PLCD4: variants seen among roughly 807,000 people sequenced by gnomAD.
PLCD4 encodes 1-phosphatidylinositol 4,5-bisphosphate phosphodiesterase delta-4.
A neutral mutation model predicts 90.2 loss-of-function variants in PLCD4; 63 were observed. That is an observed-to-expected ratio of 0.70 (90% CI 0.57 to 0.86). The LOEUF is 0.86. PLCD4 is among the 40% of genes least tolerant of loss of function. The probability of loss-of-function intolerance (pLI) is 0.00; values close to 1 mark genes in which losing one functional copy is unlikely to be tolerated. For missense variants in PLCD4, 830 were observed against 956.3 expected (o/e 0.87, Z 1.74); for synonymous variants, 294 against 356.5 (o/e 0.82, Z 1.97).
chr2:218,618,930 G>A (rs1209379313), intron 4 of PLCD4, 123 bp downstream of exon 4: 1 of 859,234 alleles, frequency 1.2e-6, no homozygotes, highest in East Asian at 2.7e-5. Context: ...GGGTCCAGAT[G>A]GTATGGGCAG....
In PLCD4 at chr2:218,630,650, A is replaced by T. The variant is rs1405481374; in HGVS notation, c.1120A>T (p.Thr374Ser). 1.2e-6 allele frequency: 2 copies of T among 1,613,988 alleles called. No homozygotes were observed. Among genetic ancestry groups the T allele is most frequent in the Admixed American group, 3.3e-5 (2 of 60,020 alleles). ...CATTGTTCCCTCCCCTCACCACCAG[A>T]CATCAGACTACCCAGTCATCTTGTC... ...VATVAQYAFQ[T>S]SDYPVILSLE... Residue 374 changes from threonine to serine, a missense_variant and splice_region_variant, in exon 9 of 16, where the codon ACA becomes TCA. Transcript: ENST00000450993.
Position 218,636,395 on chromosome 2 carries a change from G to C in PLCD4, c.2182+3G>C, listed in dbSNP as rs773689857. 2.5e-6 allele frequency: 4 copies of C among 1,614,018 alleles called. No individual in the cohort carries two copies. Among genetic ancestry groups the C allele is most frequent in the Non-Finnish European group, 3.4e-6 (4 of 1,179,902 alleles). On this transcript the variant is annotated splice_donor_region_variant and intron_variant, in intron 15 of 15. Coordinates refer to ENST00000450993, the MANE Select transcript of PLCD4 (RefSeq NM_032726.4). The stretch of plus-strand genomic sequence containing the variant: ...GCCTTGGACCTGCATGCAACAAGGT[G>C]AGCCAGCCCCTTTGGCCCCTGGCCA...
chr2:218,632,460 G>A (rs1455811009), intron 10 of PLCD4, 148 bp downstream of exon 10: 7 of 747,256 alleles, frequency 9.4e-6, no homozygotes, highest in Non-Finnish European at 1.2e-5. Flanking sequence ...CCGCATACAT[G>A]GCATCAATAT....
chr2:218,636,217 TTA>T, intron 14 of PLCD4, 24 bp from the exon 15 acceptor site: 3 of 1,606,010 alleles, frequency 1.9e-6, no homozygotes, highest in Non-Finnish European at 2.6e-6. Flanking sequence ...TAATGTCTTC[TTA>T]TTTCTTTCTG....
intron 1 of PLCD4, chr2:218,609,966 CAG>C (rs1392754062): frequency 6.6e-6 from 1 of 152,252 alleles, no homozygotes; most frequent in African/African-American, 2.4e-5. Context: ...AACAGGAAGA[CAG>C]AGGATTAAGA....
chr2:218,632,126 T>G lies in PLCD4; in HGVS notation c.1273-10T>G. On this transcript the variant is annotated splice_polypyrimidine_tract_variant and intron_variant, in intron 9 of 15. Coordinates refer to ENST00000450993, the MANE Select transcript of PLCD4 (RefSeq NM_032726.4). Reference sequence around the variant, plus strand: ...ACAGGTAGACAGGCCCCTTCATTTTTGTCCCCTAGGAGCTTCGGAGGAAGA... The same window carrying G: ...ACAGGTAGACAGGCCCCTTCATTTTGGTCCCCTAGGAGCTTCGGAGGAAGA... The G allele has an allele frequency of 6.3e-7, 1 of 1,595,668 alleles. No individual in the cohort carries two copies. The highest frequency in any genetic ancestry group is 1.7e-4 in the Middle Eastern group (1 of 5,770).
Position 218,636,408 on chromosome 2 carries a change from TG to T in PLCD4, c.2182+18del. 5.6e-6 allele frequency: 9 copies of T among 1,614,018 alleles called. No individual in the cohort carries two copies. The highest frequency in any genetic ancestry group is 1.1e-5 in the South Asian group (1 of 91,086). On this transcript the variant is annotated intron_variant, in intron 15 of 15. Transcript: ENST00000450993. ...ATGCAACAAGGTGAGCCAGCCCCTT[TG>T]GCCCCTGGCCAATACCCCAGCTCTG...
At chr2:218,626,747 A>G (rs1393437527) in intron 6 of PLCD4, among the ~76,000 whole-genome samples, 3 of 152,300 alleles carry the variant, frequency 2.0e-5, no homozygotes, top group East Asian at 3.9e-4. Flanking sequence ...ATGATCCTCA[A>G]AACATCATAT....
Position 218,622,692 on chromosome 2 carries a change from G to T in PLCD4, c.586G>T (p.Val196Leu). Residue 196 changes from valine (V) to leucine (L), a missense_variant, in exon 6 of 16, where the codon GTA (valine) becomes TTA (leucine). Coordinates refer to ENST00000450993, the MANE Select transcript of PLCD4 (RefSeq NM_032726.4). Reference protein sequence around the residue: ...QSGTLEGEEFVQFYKALTKRA... With the variant: ...QSGTLEGEEFLQFYKALTKRA... ...TGGAACCCTGGAAGGAGAAGAATTCGTACAGTTCTATAAGGCATTGACTAA... is the reference window on the plus strand; with the variant it reads ...TGGAACCCTGGAAGGAGAAGAATTCTTACAGTTCTATAAGGCATTGACTAA... 6.2e-7 allele frequency: 1 copy of T among 1,613,974 alleles called. No homozygotes were observed. Among genetic ancestry groups the T allele is most frequent in the Non-Finnish European group, 8.5e-7 (1 of 1,179,892 alleles).
intron 10 of PLCD4, 68 bp from the exon 11 acceptor site, chr2:218,633,537 T>G (rs1696515608): frequency 6.5e-7 from 1 of 1,542,362 alleles, no homozygotes; most frequent in East Asian, 2.2e-5. Context: ...TTAGGTTGGA[T>G]GGCCATTATC....
Position 218,634,519 on chromosome 2 carries a change from G to A in PLCD4, c.1785G>A (p.Gln595=), listed in dbSNP as rs767397339. 1.2e-6 allele frequency: 2 copies of A among 1,614,072 alleles called. No individual in the cohort carries two copies. The highest frequency in any genetic ancestry group is 1.6e-4 in the Middle Eastern group (1 of 6,062). Residue 595 remains glutamine, a synonymous_variant, in exon 13 of 16, where the codon CAG becomes CAA. Coordinates refer to ENST00000450993, the MANE Select transcript of PLCD4 (RefSeq NM_032726.4). This position sits in a 1 kb window ranked among gnomAD's most constrained non-coding sequence, Gnocchi z 4.0. ...EMDICDGHFR[Q]NGGCGYVLKP... is the part of the protein sequence containing the mutation. ...ACATCTGTGATGGGCATTTCCGCCA[G>A]AATGGCGGCTGTGGCTATGTGCTGA...
At position 218,615,950 on chromosome 2, in the gene PLCD4, G is replaced by A. The variant is rs766008647; in HGVS notation, c.69G>A (p.Pro23=). ...QDLLLMQEGM[P]MRKVRSKSWK... ...TGCTGCTGATGCAGGAAGGCATGCC[G>A]ATGCGCAAGGTGAGGTCCAAAAGCT... The change falls in exon 3 of 16, where the codon CCG becomes CCA. Residue 23 remains proline (P), a synonymous_variant. Transcript: ENST00000450993. 1.5e-5 allele frequency: 24 copies of A among 1,613,920 alleles called. No individual in the cohort carries two copies. Among genetic ancestry groups the A allele is most frequent in the Admixed American group, 1.7e-5 (1 of 60,014 alleles).
At chr2:218,609,871 C>T (rs1345767329) in intron 1 of PLCD4, 1 of 152,120 alleles carries the variant, frequency 6.6e-6, no homozygotes, top group Non-Finnish European at 1.5e-5. Context: ...TTAGTGGAGT[C>T]AAAAGAGGGA....
intron 1 of PLCD4, among the ~76,000 whole-genome samples, chr2:218,613,563 GT>G (rs913300300): frequency 6.6e-6 from 1 of 152,054 alleles, no homozygotes. Flanking sequence ...GGTCAAGAAT[GT>G]TTTTTTGTTT....
intron 9 of PLCD4, 51 bp from the exon 10 acceptor site, chr2:218,632,085 A>T: frequency 1.3e-6 from 2 of 1,513,586 alleles, no homozygotes; most frequent in Non-Finnish European, 1.8e-6. Flanking sequence ...TGATTCCCAG[A>T]AGGACCCAAG....
At chr2:218,616,927 T>TATATATAG (rs1553571947) in intron 3 of PLCD4, among the ~76,000 whole-genome samples, 13 of 13,762 alleles carry the variant, frequency 9.4e-4, no homozygotes, top group East Asian at 3.3e-3. Context: ...TATATATATA[T>TATATATAG]AGAGAGAGAG....
intron 4 of PLCD4, among the ~76,000 whole-genome samples, chr2:218,620,917 A>T (rs1047708364): frequency 2.9e-5 from 4 of 137,354 alleles, no homozygotes; most frequent in African/African-American, 1.0e-4. Flanking sequence ...AAAAAAAAAA[A>T]AGCTAAAGGA....
At chr2:218,614,613 C>A (rs1442380701) in intron 1 of PLCD4, among the ~76,000 whole-genome samples, 2 of 151,922 alleles carry the variant, frequency 1.3e-5, no homozygotes, top group East Asian at 3.9e-4. Context: ...CCATGCCCAG[C>A]TAATTTTTTT....
intron 4 of PLCD4, among the ~76,000 whole-genome samples, chr2:218,620,293 C>T (rs1246047318): frequency 6.6e-6 from 1 of 152,034 alleles, no homozygotes; most frequent in African/African-American, 2.4e-5. Context: ...CACCTGAGGC[C>T]AGGAGTTCGA....
Sources: gnomAD v4.1 joint callset for allele counts (sites outside exome capture counted in the v4.1 genomes callset) on GRCh38, gnomAD v4.1.1 for gene constraint, Gnocchi (gnomAD v3.1) non-coding constraint, MANE v1.5 for transcripts, NCBI Gene and HGNC (gene_info 2026-07-23, HGNC 2026-07-21) for gene names.